CSMD1: variants seen among roughly 807,000 people sequenced by gnomAD.
CSMD1 encodes CUB and sushi domain-containing protein 1.
CSMD1 carries 213 observed loss-of-function variants against 417.5 expected under a neutral mutation model. The ratio of observed to expected loss-of-function variants is 0.51; its 90% CI spans 0.46 to 0.57. CSMD1 has a LOEUF of 0.57. Among genes scored for constraint, CSMD1 ranks in the 20% least tolerant of loss-of-function variants. CSMD1 has a pLI of 0.00. For synonymous variants in CSMD1, 2,862 were observed against 1,736.8 expected, an observed-to-expected ratio of 1.65 and a Z score of -16.11; for missense variants, 6,923 against 4,529.7, an observed-to-expected ratio of 1.53 and a Z score of -15.17.
At chr8:3,603,184 G>T (rs545024404) in intron 8 of CSMD1, among the ~76,000 whole-genome samples, 1 of 152,286 alleles carries the variant, frequency 6.6e-6, no homozygotes, top group Admixed American at 6.5e-5. Flanking sequence ...AAAAAATGCA[G>T]TTGATGCTCT....
intron 2 of CSMD1, among the ~76,000 whole-genome samples, chr8:4,636,134 A>G (rs1051512885): frequency 2.6e-5 from 4 of 152,078 alleles, no homozygotes; most frequent in Non-Finnish European, 1.5e-5. Flanking sequence ...TAAAATAATA[A>G]ATGAAGCATA....
At chr8:4,935,910 A>T (rs1440724094) in intron 1 of CSMD1, among the ~76,000 whole-genome samples, 1 of 152,210 alleles carries the variant, frequency 6.6e-6, no homozygotes, top group Admixed American at 6.5e-5. Context: ...CCCCAGCAGG[A>T]TGCTCCTGGA....
intron 10 of CSMD1, among the ~76,000 whole-genome samples, chr8:3,570,558 A>C (rs1314848915): frequency 2.8e-5 from 1 of 36,182 alleles, no homozygotes; most frequent in African/African-American, 1.1e-4. Context: ...TCTCCGCTCT[A>C]GAGAGGGGGC....
intron 2 of CSMD1, among the ~76,000 whole-genome samples, chr8:4,501,274 T>A (rs979332929): frequency 5.3e-5 from 8 of 152,240 alleles, no homozygotes; most frequent in Middle Eastern, 3.4e-3. Flanking sequence ...CATATTGTGA[T>A]CCCCGAACAG....
At chr8:4,599,910 A>C (rs2130760328) in intron 2 of CSMD1, among the ~76,000 whole-genome samples, 1 of 152,322 alleles carries the variant, frequency 6.6e-6, no homozygotes, top group African/African-American at 2.4e-5. Flanking sequence ...AAAGTAGCAT[A>C]ATTCATAAGC....
At chr8:4,009,628 A>C (rs900915128) in intron 4 of CSMD1, among the ~76,000 whole-genome samples, 1 of 152,210 alleles carries the variant, frequency 6.6e-6, no homozygotes, top group Non-Finnish European at 1.5e-5. Context: ...CCAGGAAAGA[A>C]ATAAGAAATA....
intron 2 of CSMD1, among the ~76,000 whole-genome samples, chr8:4,454,217 C>G (rs1030833139): frequency 1.3e-5 from 2 of 152,052 alleles, no homozygotes; most frequent in African/African-American, 4.8e-5. Flanking sequence ...TCTCCTTATC[C>G]ACCCCCAACA....
At chr8:2,998,755 T>A (rs1217162328) in intron 53 of CSMD1, among the ~76,000 whole-genome samples, 1 of 152,240 alleles carries the variant, frequency 6.6e-6, no homozygotes, top group Non-Finnish European at 1.5e-5. Context: ...ACTGTCAATA[T>A]GTCATGCCCC....
At chr8:4,855,172 A>C (rs1033691650) in intron 1 of CSMD1, among the ~76,000 whole-genome samples, 2 of 150,438 alleles carry the variant, frequency 1.3e-5, no homozygotes, top group Non-Finnish European at 2.9e-5. Context: ...CTCACACGGC[A>C]GGGTACTCCA....
chr8:4,141,190 G>A (rs1426665278), intron 3 of CSMD1, among the ~76,000 whole-genome samples: 4 of 151,100 alleles, frequency 2.6e-5, no homozygotes, highest in Admixed American at 2.6e-4. Context: ...ATTATTCCCA[G>A]CCTTGTGATC....
At chr8:3,837,161 A>T (rs1182187321) in intron 5 of CSMD1, among the ~76,000 whole-genome samples, 2 of 152,134 alleles carry the variant, frequency 1.3e-5, no homozygotes, top group Non-Finnish European at 2.9e-5. Flanking sequence ...GAAAAAAAAA[A>T]ATCTGTTCAC....
At chr8:3,104,499 C>T (rs1014458462) in intron 46 of CSMD1, among the ~76,000 whole-genome samples, 11 of 151,774 alleles carry the variant, frequency 7.2e-5, no homozygotes, top group African/African-American at 2.7e-4. Flanking sequence ...TTCCTGTAAT[C>T]AATAGTTCTC....
At chr8:4,120,181 A>C (rs1337806876) in intron 3 of CSMD1, among the ~76,000 whole-genome samples, 2 of 152,058 alleles carry the variant, frequency 1.3e-5, no homozygotes, top group African/African-American at 4.8e-5. Flanking sequence ...AAATATATAC[A>C]CCTATTGTGT....
intron 2 of CSMD1, among the ~76,000 whole-genome samples, chr8:4,565,537 C>G (rs1199599455): frequency 6.6e-6 from 1 of 151,894 alleles, no homozygotes; most frequent in Non-Finnish European, 1.5e-5. Context: ...GTGTTTGAGA[C>G]AAGCCTGGCC....
chr8:3,706,608 GA>G (rs960701775), intron 7 of CSMD1, among the ~76,000 whole-genome samples: 2 of 152,042 alleles, frequency 1.3e-5, no homozygotes, highest in African/African-American at 4.8e-5. Context: ...TATTACAAAA[GA>G]AAAAAAGCTC....
chr8:3,207,892 G>A (rs1056683936), intron 30 of CSMD1, among the ~76,000 whole-genome samples: 4 of 152,020 alleles, frequency 2.6e-5, no homozygotes, highest in African/African-American at 9.7e-5. Flanking sequence ...CTTTTAGATG[G>A]AGGATATTTC....
At chr8:3,867,725 G>T (rs973365183) in intron 5 of CSMD1, among the ~76,000 whole-genome samples, 5 of 151,992 alleles carry the variant, frequency 3.3e-5, no homozygotes, top group East Asian at 1.9e-4. Flanking sequence ...AATAATAATA[G>T]CTGCTTATGC....
chr8:3,088,923 G>C (rs892064915), intron 48 of CSMD1, among the ~76,000 whole-genome samples: 4 of 151,186 alleles, frequency 2.6e-5, no homozygotes, highest in African/African-American at 7.3e-5. Context: ...TCATAGATAA[G>C]TTAAATAAAG....
At chr8:4,956,256 T>TA (rs1809103165) in intron 1 of CSMD1, among the ~76,000 whole-genome samples, 1 of 151,548 alleles carries the variant, frequency 6.6e-6, no homozygotes, top group Non-Finnish European at 1.5e-5. Context: ...TATTTTTTTT[T>TA]AATTTAAAGT....
Sources: allele counts gnomAD v4.1 joint callset (sites outside exome capture counted in the v4.1 genomes callset), GRCh38; gene constraint gnomAD v4.1.1; transcripts MANE v1.5; gene names NCBI Gene and HGNC (gene_info 2026-07-23, HGNC 2026-07-21).